The following TET1 variants were observed in gnomAD, a reference collection of about 807,000 sequenced individuals.
The protein encoded by TET1 is tet methylcytosine dioxygenase 1, also known as methylcytosine dioxygenase TET1.
Under a neutral mutation model 148.7 loss-of-function variants are expected in TET1, and 13 were observed. The ratio of observed to expected loss-of-function variants is 0.09; its 90% confidence interval spans 0.06 to 0.14. TET1 has a LOEUF of 0.14. Ranked by LOEUF, TET1 falls within the 10% of genes least tolerant of loss-of-function variation. The pLI is 1.00. For synonymous variants in TET1, 907 were observed against 937.2 expected (o/e 0.97, Z 0.59); for missense variants, 2,182 against 2,553.8 (o/e 0.85, Z 3.14).
chr10:68,640,544 C>CTTTTTTTTTTTTTGTTTTTT (rs2054731932), intron 3 of TET1, among the ~76,000 whole-genome samples: 1 of 42,884 alleles, frequency 2.3e-5, no homozygotes, highest in Admixed American at 4.7e-4. Flanking sequence ...TTCTTTCTTT[C>CTTTTTTTTTTTTTGTTTTTT]TTTTTTTTTT....
chr10:68,616,556 G>A (rs2054292512), intron 3 of TET1, among the ~76,000 whole-genome samples: 1 of 151,470 alleles, frequency 6.6e-6, no homozygotes, highest in Non-Finnish European at 1.5e-5. Flanking sequence ...TTTTTTTAAT[G>A]AGACATGGTC....
In TET1 at chr10:68,691,774, C is replaced by T. The variant is rs199778295; in HGVS notation, c.6371C>T (p.Ala2124Val). 4 of 1,613,846 alleles carry T rather than the reference C, an allele frequency of 2.5e-6. No individual in the cohort carries two copies. Among genetic ancestry groups the T allele is most frequent in the Middle Eastern group, 1.6e-4 (1 of 6,062 alleles). Residue 2124 changes from alanine (A) to valine (V), a missense_variant, in exon 12 of 12, where the codon GCT (alanine) becomes GTT (valine). Around this residue, in one of 11 missense-constraint regions of TET1, gnomAD observed 20 missense variants for 42.3 expected, o/e 0.47. Transcript: ENST00000373644. The surrounding 1 kb of genome is among the most constrained non-coding windows in gnomAD (Gnocchi z 4.4). The part of the protein sequence containing the change: ...HDNVVTVSPY[A>V]LTHVAGPYNH... ...AATGTTGTCACCGTGTCCCCTTATG[C>T]TCTCACACACGTTGCGGGGCCCTAT... is the stretch of plus-strand genomic sequence containing the variant.
intron 8 of TET1, 33 bp from the exon 9 acceptor site, chr10:68,681,366 A>G (rs1015518395): frequency 3.4e-6 from 5 of 1,461,858 alleles, no homozygotes; most frequent in Admixed American, 1.7e-5. Flanking sequence ...AGGTGCGATT[A>G]TAAAATACCT....
intron 2 of TET1, among the ~76,000 whole-genome samples, chr10:68,598,690 CTTT>C (rs201642689): frequency 7.5e-6 from 1 of 132,670 alleles, no homozygotes; most frequent in Non-Finnish European, 1.6e-5. Flanking sequence ...TTTTTTTTTT[CTTT>C]TTCTTTCTTT....
At chr10:68,648,177 T>C (rs1357943957) in intron 4 of TET1, among the ~76,000 whole-genome samples, 1 of 152,200 alleles carries the variant, frequency 6.6e-6, no homozygotes, top group East Asian at 1.9e-4. Context: ...GAGAACATTC[T>C]GAACCAATTA....
rs780978887 is a variant in TET1 at position 68,646,376 on chromosome 10, C to T, written c.3647C>T (p.Ser1216Leu). Residue 1216 changes from serine (S) to leucine (L), a missense_variant, in exon 4 of 12, where the codon TCG becomes TTG. Physicochemically the swap from Ser to Leu is moderately radical, Grantham distance 145. Transcript: ENST00000373644. ...FPTVFGKISSSTKIWKPLAQT... is the reference protein window; with the variant it reads ...FPTVFGKISSLTKIWKPLAQT... The stretch of plus-strand genomic sequence containing the variant: ...ACTGTATTTGGGAAAATTTCTTCCT[C>T]GACCAAAATATGGAAACCACTGGCT... 6.2e-6 allele frequency: 10 copies of T among 1,614,056 alleles called. No individual in the cohort carries two copies. Among genetic ancestry groups the T allele is most frequent in the South Asian group, 1.1e-5 (1 of 91,072 alleles).
chr10:68,667,183 T>C lies in TET1; in HGVS notation c.4600T>C (p.Tyr1534His). ...CCCTCTTCCAATGGCCGACCGGCTATACACAGAGCTCACAGAGAATCTAAA... is the reference window on the plus strand; with the variant it reads ...CCCTCTTCCAATGGCCGACCGGCTACACACAGAGCTCACAGAGAATCTAAA... Reference protein sequence around the residue: ...GIPLPMADRLYTELTENLKSY... With the variant: ...GIPLPMADRLHTELTENLKSY... The change falls in exon 7 of 12, where the codon TAC (tyrosine) becomes CAC (histidine). Residue 1534 changes from tyrosine (Y) to histidine (H), a missense_variant. By Grantham distance (83) the Tyr-to-His change is moderately conservative. Around this residue, in one of 11 missense-constraint regions of TET1, gnomAD observed 169 missense variants for 263.7 expected, o/e 0.64. Coordinates refer to ENST00000373644, the MANE Select transcript of TET1 (RefSeq NM_030625.3). 3 of 1,614,118 alleles carry C rather than the reference T, an allele frequency of 1.9e-6. No homozygotes were observed. Among genetic ancestry groups the C allele is most frequent in the Non-Finnish European group, 2.5e-6 (3 of 1,180,018 alleles).
chr10:68,563,157 T>C (rs1480174175), intron 1 of TET1, among the ~76,000 whole-genome samples: 2 of 152,026 alleles, frequency 1.3e-5, no homozygotes, highest in Non-Finnish European at 2.9e-5. Flanking sequence ...CCCCCTTTTT[T>C]CCCCCTTCCT....
intron 6 of TET1, among the ~76,000 whole-genome samples, chr10:68,664,006 CT>C (rs146462366): frequency 6.1e-5 from 9 of 148,682 alleles, no homozygotes; most frequent in East Asian, 2.0e-4. Flanking sequence ...TAGGTACCTC[CT>C]TTTTTTTTTG....
At chr10:68,595,737 C>G (rs2053970916) in intron 2 of TET1, among the ~76,000 whole-genome samples, 1 of 145,110 alleles carries the variant, frequency 6.9e-6, no homozygotes. Flanking sequence ...CTTGCCTCAG[C>G]CTCCCAGGTA....
At position 68,572,670 on chromosome 10, in the gene TET1, T is replaced by C; in HGVS notation, c.332T>C (p.Leu111Pro). The change falls in exon 2 of 12, where the codon CTT becomes CCT. Residue 111 changes from leucine to proline, a missense_variant. Around this residue, in one of 11 missense-constraint regions of TET1, gnomAD observed 665 missense variants for 672.4 expected, o/e 0.99. Transcript: ENST00000373644. Reference sequence around the variant, plus strand: ...ACAATGGCGCTACGAAGCACCTCTCTTAGCAGGCGACTCTCCCAACCCCCA... The same window carrying C: ...ACAATGGCGCTACGAAGCACCTCTCCTAGCAGGCGACTCTCCCAACCCCCA... The part of the protein sequence containing the change: ...GFTMALRSTS[L>P]SRRLSQPPLV... 1 of 1,614,146 alleles carries C rather than the reference T, an allele frequency of 6.2e-7. No homozygotes were observed. Among genetic ancestry groups the C allele is most frequent in the South Asian group, 1.1e-5 (1 of 91,078 alleles).
intron 3 of TET1, among the ~76,000 whole-genome samples, chr10:68,615,720 G>A (rs916132637): frequency 4.0e-5 from 6 of 151,702 alleles, no homozygotes; most frequent in African/African-American, 1.2e-4. Flanking sequence ...GTGCAATGGC[G>A]CGATCTCAGC....
intron 2 of TET1, among the ~76,000 whole-genome samples, chr10:68,595,612 CTT>C (rs71470530): frequency 9.0e-4 from 69 of 76,508 alleles, no homozygotes; most frequent in Middle Eastern, 7.1e-3. Context: ...CACACAGCTT[CTT>C]TTTTTTTTTT....
intron 1 of TET1, among the ~76,000 whole-genome samples, chr10:68,563,145 T>C (rs1013619959): frequency 2.0e-5 from 3 of 152,072 alleles, no homozygotes; most frequent in Non-Finnish European, 4.4e-5. Context: ...TTGGCCCTTT[T>C]CCCCCCTTTT....
At position 68,691,178 on chromosome 10, in the gene TET1, G is replaced by A. The variant is rs376039709; in HGVS notation, c.5775G>A (p.Glu1925=). ...APVMEPLINS[E]PSTGVTEPLT... ...TGATGGAGCCCCTCATTAATTCTGA[G>A]CCTTCCACTGGTGTGACTGAGCCGC... Residue 1925 remains glutamate, a synonymous_variant, in exon 12 of 12, where the codon GAG becomes GAA. Coordinates refer to ENST00000373644, the MANE Select transcript of TET1 (RefSeq NM_030625.3). The surrounding 1 kb of genome is among the most constrained non-coding windows in gnomAD (Gnocchi z 4.4). 3 of 1,613,990 alleles carry A rather than the reference G, an allele frequency of 1.9e-6. No homozygotes were observed. Among genetic ancestry groups the A allele is most frequent in the African/African-American group, 1.3e-5 (1 of 74,918 alleles).
intron 1 of TET1, among the ~76,000 whole-genome samples, chr10:68,565,597 A>G (rs1485266642): frequency 6.6e-6 from 1 of 151,936 alleles, no homozygotes; most frequent in Non-Finnish European, 1.5e-5. Flanking sequence ...ACAAAAAAGA[A>G]ATTAATTTCT....
chr10:68,635,899 T>C (rs61868121), intron 3 of TET1, among the ~76,000 whole-genome samples: 9,322 of 151,886 alleles, frequency 0.061, 394 homozygotes, highest in Non-Finnish European at 0.088. Context: ...GGCCAAGAGG[T>C]GTGAGAGTGA....
chr10:68,661,815 A>AC (rs1363007179), intron 6 of TET1, among the ~76,000 whole-genome samples: 11 of 145,852 alleles, frequency 7.5e-5, no homozygotes, highest in South Asian at 4.3e-4. Flanking sequence ...TCTTTGTTAA[A>AC]AAAACACACA....
intron 3 of TET1, among the ~76,000 whole-genome samples, chr10:68,640,544 C>CTTTTTTTTTTTTTTTTTTTTTTTTT (rs60460824): frequency 9.3e-5 from 4 of 42,884 alleles, no homozygotes; most frequent in South Asian, 1.4e-3. Context: ...TTCTTTCTTT[C>CTTTTTTTTTTTTTTTTTTTTTTTTT]TTTTTTTTTT....
Sources: allele counts gnomAD v4.1 joint callset (sites outside exome capture counted in the v4.1 genomes callset), GRCh38; gene constraint gnomAD v4.1.1; regional missense constraint gnomAD v4.1.1; non-coding constraint Gnocchi (gnomAD v3.1); transcripts MANE v1.5; gene names NCBI Gene and HGNC (gene_info 2026-07-23, HGNC 2026-07-21).